Variants in PDE4D observed in about 807,000 individuals in gnomAD.
PDE4D encodes phosphodiesterase 4D.
In PDE4D, 24 loss-of-function variants were observed where a neutral mutation model predicts 87.4. The ratio of observed to expected loss-of-function variants is 0.27; its 90% CI spans 0.20 to 0.39. The LOEUF (loss-of-function observed/expected upper bound fraction) is 0.39, where lower values mean the gene tolerates loss of function less well. Ranked by LOEUF, PDE4D falls within the 10% of genes least tolerant of loss-of-function variation. The pLI is 1.00. For synonymous variants in PDE4D, 384 were observed against 383.2 expected (o/e 1.00, Z -0.02); for missense variants, 714 against 1,041.0 (o/e 0.69, Z 4.32).
At chr5:59,370,895 G>A (rs1783828235) in intron 1 of PDE4D, among the ~76,000 whole-genome samples, 1 of 152,202 alleles carries the variant, frequency 6.6e-6, no homozygotes. Context: ...CTGCTCACCA[G>A]AAGTATGAAT....
intron 1 of PDE4D, among the ~76,000 whole-genome samples, chr5:59,870,658 CAT>C (rs1211581267): frequency 6.6e-6 from 1 of 152,230 alleles, no homozygotes; most frequent in African/African-American, 2.4e-5. Context: ...TGGCATCAAA[CAT>C]GTGGGCCATG....
chr5:59,991,812 A>G (rs1763032727), intron 2 of PDE4D, among the ~76,000 whole-genome samples: 1 of 152,212 alleles, frequency 6.6e-6, no homozygotes. Flanking sequence ...GATTGGAAAC[A>G]GGTCATGATT....
chr5:60,056,947 T>C (rs890655259), intron 2 of PDE4D, among the ~76,000 whole-genome samples: 8 of 152,066 alleles, frequency 5.3e-5, no homozygotes, highest in Non-Finnish European at 1.2e-4. Flanking sequence ...TTTATTTGGA[T>C]GACACATTTA....
At chr5:59,410,631 T>C (rs1356524997) in intron 1 of PDE4D, among the ~76,000 whole-genome samples, 1 of 152,146 alleles carries the variant, frequency 6.6e-6, no homozygotes, top group African/African-American at 2.4e-5. Flanking sequence ...TTTAACATAA[T>C]GTCTTCCAGT....
intron 1 of PDE4D, among the ~76,000 whole-genome samples, chr5:60,344,359 T>A (rs1286056556): frequency 6.6e-6 from 1 of 152,024 alleles, no homozygotes. Context: ...TTAGTTTTGG[T>A]TCTTGATTTT....
At chr5:59,882,312 G>A (rs1417243549) in intron 1 of PDE4D, among the ~76,000 whole-genome samples, 1 of 152,110 alleles carries the variant, frequency 6.6e-6, no homozygotes, top group Non-Finnish European at 1.5e-5. Flanking sequence ...CAAGAAACTG[G>A]TCCTCAATAA....
Position 60,069,714 on chromosome 5 carries a change from T to C in PDE4D, c.43-80997A>G, listed in dbSNP as rs1234658582. 3.9e-5 allele frequency among the ~76,000 whole-genome samples: 6 copies of C among 152,242 alleles called. No individual in the cohort carries two copies. In the East Asian group the frequency reaches 1.2e-3, roughly 29 times the overall value. On this transcript the variant is annotated intron_variant, in intron 2 of 16. Transcript: ENST00000502484. ...TTTTAGAGCTTTTTTTCACTTTCTGTAAAAAATGACATTGAGATTTGGATA... is the reference window on the plus strand; with the variant it reads ...TTTTAGAGCTTTTTTTCACTTTCTGCAAAAAATGACATTGAGATTTGGATA...
intron 1 of PDE4D, among the ~76,000 whole-genome samples, chr5:59,313,693 T>C (rs1191263617): frequency 6.6e-6 from 1 of 152,074 alleles, no homozygotes; most frequent in Non-Finnish European, 1.5e-5. Flanking sequence ...GACAGAGAAT[T>C]TCATACCTAG....
At chr5:60,438,324 C>G (rs1212389708) in intron 1 of PDE4D, among the ~76,000 whole-genome samples, 1 of 152,088 alleles carries the variant, frequency 6.6e-6, no homozygotes, top group Non-Finnish European at 1.5e-5. Flanking sequence ...TCCTGTTAAC[C>G]TCATGTAAAA....
In PDE4D at chr5:59,469,267, G is replaced by A. The variant is rs548545693; in HGVS notation, c.456-253299C>T. Among the ~76,000 whole-genome samples the A allele has an allele frequency of 6.6e-5, 10 of 152,266 alleles. No individual in the cohort carries two copies. In the East Asian group the frequency reaches 1.9e-3, roughly 29 times the overall value. On this transcript the variant is annotated intron_variant, in intron 1 of 14. Coordinates refer to ENST00000340635, the MANE Select transcript of PDE4D (RefSeq NM_001104631.2). ...GGCATGAACCAAGGAGACGGACCTT[G>A]CAGTGAGCTGAGATCACGCCACCGC... is the stretch of plus-strand genomic sequence containing the variant.
intron 1 of PDE4D, among the ~76,000 whole-genome samples, chr5:59,774,004 T>A (rs1037945923): frequency 1.3e-5 from 2 of 152,028 alleles, no homozygotes; most frequent in Non-Finnish European, 2.9e-5. Flanking sequence ...AGAGAATAAC[T>A]CAAAAACAAG....
chr5:59,674,609 T>C (rs897534769), intron 1 of PDE4D, among the ~76,000 whole-genome samples: 4 of 152,202 alleles, frequency 2.6e-5, no homozygotes, highest in African/African-American at 9.7e-5. Flanking sequence ...TCCTAAATTC[T>C]TTAAAATCTT....
intron 1 of PDE4D, among the ~76,000 whole-genome samples, chr5:59,457,561 A>T (rs1360131782): frequency 1.3e-5 from 2 of 152,174 alleles, no homozygotes; most frequent in African/African-American, 4.8e-5. Context: ...AGTTGGCTGA[A>T]TGGGTAAATG....
chr5:60,047,862 C>T (rs946710641), intron 2 of PDE4D, among the ~76,000 whole-genome samples: 1 of 152,028 alleles, frequency 6.6e-6, no homozygotes, highest in African/African-American at 2.4e-5. Flanking sequence ...GTGGAGAGTT[C>T]TGTAGATGTC....
intron 2 of PDE4D, among the ~76,000 whole-genome samples, chr5:60,036,798 C>T (rs1173290903): frequency 2.0e-5 from 3 of 152,220 alleles, no homozygotes; most frequent in Non-Finnish European, 4.4e-5. Context: ...TTAAATTCTG[C>T]AAATAAACTC....
intron 1 of PDE4D, among the ~76,000 whole-genome samples, chr5:59,323,682 C>T (rs1200187564): frequency 6.6e-6 from 1 of 151,984 alleles, no homozygotes; most frequent in Non-Finnish European, 1.5e-5. Context: ...ATCTTAAAGC[C>T]CTTCACCACT....
At chr5:59,574,061 A>AT (rs1302135709) in intron 1 of PDE4D, among the ~76,000 whole-genome samples, 5 of 31,882 alleles carry the variant, frequency 1.6e-4, no homozygotes, top group African/African-American at 6.4e-4. Context: ...TATATATAAA[A>AT]ATATATATAT....
At chr5:59,786,291 C>A (rs1765167763) in intron 1 of PDE4D, among the ~76,000 whole-genome samples, 1 of 152,170 alleles carries the variant, frequency 6.6e-6, no homozygotes, top group South Asian at 2.1e-4. Flanking sequence ...TCAACAGATT[C>A]TAAACAGGGA....
intron 2 of PDE4D, among the ~76,000 whole-genome samples, chr5:60,142,831 G>T (rs576190682): frequency 6.6e-6 from 1 of 152,288 alleles, no homozygotes; most frequent in East Asian, 1.9e-4. Context: ...TTTGCATGGG[G>T]AGCATATGAC....
Sources: allele counts gnomAD v4.1 joint callset (sites outside exome capture counted in the v4.1 genomes callset), GRCh38; gene constraint gnomAD v4.1.1; transcripts MANE v1.5; gene names NCBI Gene and HGNC (gene_info 2026-07-23, HGNC 2026-07-21).